Variants in PIK3C2A observed in about 807,000 individuals in gnomAD.
PIK3C2A encodes phosphatidylinositol 4-phosphate 3-kinase C2 domain-containing subunit alpha.
PIK3C2A carries 97 observed loss-of-function variants against 204.5 expected under a neutral mutation model. The ratio of observed to expected loss-of-function variants is 0.47; its 90% CI spans 0.40 to 0.56. The LOEUF (loss-of-function observed/expected upper bound fraction) is 0.56. Ranked by LOEUF, PIK3C2A falls within the 20% of genes least tolerant of loss-of-function variation. PIK3C2A has a pLI of 0.00. For missense variants in PIK3C2A, 1,735 were observed against 1,969.2 expected (o/e 0.88, Z 2.25); for synonymous variants, 653 against 664.4 (o/e 0.98, Z 0.26).
chr11:17,180,518 C>CA (rs200408705), intron 1 of PIK3C2A, among the ~76,000 whole-genome samples: 1,937 of 115,450 alleles, frequency 0.017, 21 homozygotes, highest in Non-Finnish European at 0.025. Flanking sequence ...ACAACAACAA[C>CA]AACAAAAAAC....
At chr11:17,206,166 G>A (rs1023979849) in intron 1 of PIK3C2A, among the ~76,000 whole-genome samples, 1 of 152,074 alleles carries the variant, frequency 6.6e-6, no homozygotes, top group Non-Finnish European at 1.5e-5. Flanking sequence ...CATGTTATTT[G>A]CAAAGAAAAC....
intron 25 of PIK3C2A, among the ~76,000 whole-genome samples, chr11:17,100,251 G>GGGC (rs369349757): frequency 2.3e-5 from 1 of 43,856 alleles, no homozygotes; most frequent in Non-Finnish European, 5.5e-5. Context: ...TTTGGGGGCG[G>GGGC]GGGGGGGGGG....
chr11:17,200,434 T>A (rs1331099126), intron 1 of PIK3C2A, among the ~76,000 whole-genome samples: 2 of 140,502 alleles, frequency 1.4e-5, no homozygotes, highest in Admixed American at 7.2e-5. Context: ...AGTTTATTAA[T>A]AAAAAAGAGA....
intron 14 of PIK3C2A, among the ~76,000 whole-genome samples, 153 bp from the exon 15 acceptor site, chr11:17,122,486 T>C (rs1849397464): frequency 6.6e-6 from 1 of 152,182 alleles, no homozygotes. Context: ...ATTACCATTG[T>C]TGGTAATTCT....
At chr11:17,198,273 C>A (rs560857191) in intron 1 of PIK3C2A, among the ~76,000 whole-genome samples, 1 of 152,122 alleles carries the variant, frequency 6.6e-6, no homozygotes, top group East Asian at 1.9e-4. Flanking sequence ...CCACACCCGG[C>A]TGATTTTTGT....
intron 2 of PIK3C2A, among the ~76,000 whole-genome samples, chr11:17,157,125 G>A (rs1850620523): frequency 6.6e-6 from 1 of 152,040 alleles, no homozygotes; most frequent in South Asian, 2.1e-4. Flanking sequence ...AAACCCTGGG[G>A]CTCTTGTTTC....
chr11:17,138,047 A>AGCTTG, intron 8 of PIK3C2A: 1 of 649,812 alleles, frequency 1.5e-6, no homozygotes, highest in Non-Finnish European at 2.9e-6. Flanking sequence ...TTGATAAGGA[A>AGCTTG]AGCATGCTTG....
intron 22 of PIK3C2A, among the ~76,000 whole-genome samples, chr11:17,110,118 A>G (rs571510456): frequency 5.5e-4 from 83 of 152,012 alleles, no homozygotes; most frequent in African/African-American, 1.9e-3. Flanking sequence ...ACACCTGGCT[A>G]ATTTTTGCAT....
intron 8 of PIK3C2A, chr11:17,138,084 C>G (rs1849933877): frequency 1.4e-6 from 1 of 697,716 alleles, no homozygotes; most frequent in Non-Finnish European, 2.6e-6. Context: ...ATTTAGCACA[C>G]ATGGAATCAC....
intron 1 of PIK3C2A, among the ~76,000 whole-genome samples, chr11:17,192,616 G>A (rs1851980979): frequency 6.6e-6 from 1 of 152,066 alleles, no homozygotes; most frequent in South Asian, 2.1e-4. Flanking sequence ...CCAGCTAAAT[G>A]TTTTATTTTT....
chr11:17,192,973 G>A (rs558077701), intron 1 of PIK3C2A, among the ~76,000 whole-genome samples: 41 of 152,330 alleles, frequency 2.7e-4, no homozygotes, highest in African/African-American at 7.7e-4. Flanking sequence ...TCATGACTAC[G>A]ACTGTGGGAG....
intron 15 of PIK3C2A, among the ~76,000 whole-genome samples, chr11:17,120,576 A>T (rs1348523296): frequency 6.6e-6 from 1 of 151,990 alleles, no homozygotes; most frequent in Non-Finnish European, 1.5e-5. Context: ...CAAACACTGC[A>T]AAAGGTATAC....
intron 30 of PIK3C2A, 62 bp downstream of exon 30, chr11:17,091,934 A>C: frequency 9.9e-7 from 1 of 1,013,236 alleles, no homozygotes; most frequent in Non-Finnish European, 1.6e-6. Context: ...TACCACATTC[A>C]TCGAGAAGTT....
rs533177997 is a variant in PIK3C2A, at chr11:17,122,851, T to G, written c.2400-38A>C. ...AAAAATAATAATGTGATTTTCATTT[T>G]AAAAATCAATTCAAAATTTACAACA... On this transcript the variant is annotated intron_variant, in intron 13 of 32. Coordinates refer to ENST00000691414, the MANE Select transcript of PIK3C2A (RefSeq NM_002645.4). 9 of 870,752 alleles carry G rather than the reference T, an allele frequency of 1.0e-5. No homozygotes were observed. The South Asian group carries it at 1.2e-4, about 12-fold the overall frequency. 53.9% of individuals were successfully genotyped at this position (870,752 alleles called of 1,614,324 possible). A position where few individuals can be genotyped will look rare whatever the true frequency, so the allele number is the denominator to read the frequency against.
Position 17,122,213 on chromosome 11 carries a change from T to G in PIK3C2A, c.2632A>C (p.Ile878Leu). The G allele has an allele frequency of 6.3e-7, 1 of 1,582,220 alleles. No individual in the cohort carries two copies. Among genetic ancestry groups the G allele is most frequent in the Non-Finnish European group, 8.7e-7 (1 of 1,153,550 alleles). Residue 878 changes from isoleucine to leucine, a missense_variant, in exon 15 of 33, where the codon ATT (isoleucine) becomes CTT (leucine). Transcript: ENST00000691414. Reference protein sequence around the residue: ...ENDIKGKLLDILHKDSSLGLS... With the variant: ...ENDIKGKLLDLLHKDSSLGLS... ...CCAAGTGATGAGTCTTTATGAAGAATATCAAGAAGTTTCCCTTTTATATCA... is the reference window on the plus strand; with the variant it reads ...CCAAGTGATGAGTCTTTATGAAGAAGATCAAGAAGTTTCCCTTTTATATCA...
chr11:17,166,748 T>C (rs573786212), intron 2 of PIK3C2A, among the ~76,000 whole-genome samples: 8 of 152,320 alleles, frequency 5.3e-5, no homozygotes, highest in Admixed American at 2.0e-4. Context: ...GCAGTTGCCC[T>C]TCCCAAACAA....
Position 17,169,804 on chromosome 11 carries a change from G to A in PIK3C2A, c.-63C>T, listed in dbSNP as rs532585277. 139 of 1,050,026 alleles carry A rather than the reference G, an allele frequency of 1.3e-4. No individual in the cohort carries two copies. The African/African-American group carries it at 2.1e-3, about 16-fold the overall frequency. 65.0% of individuals were successfully genotyped at this position (1,050,026 alleles called of 1,614,324 possible). On this transcript the variant is annotated splice_region_variant and 5_prime_UTR_variant, in exon 2 of 33. Transcript: ENST00000691414. ...TTTCTTGTAGCTTCCAAAATAGCAA[G>A]GCCTATACATAAAAATAAACATAAC... is the stretch of plus-strand genomic sequence containing the variant.
intron 8 of PIK3C2A, chr11:17,138,218 C>A: frequency 1.0e-6 from 1 of 982,158 alleles, no homozygotes; most frequent in Non-Finnish European, 1.6e-6. Context: ...CTTTCCCAAC[C>A]TTCTTGGTAC....
chr11:17,120,832 TGG>T (rs2137344906), intron 15 of PIK3C2A, among the ~76,000 whole-genome samples: 1 of 152,282 alleles, frequency 6.6e-6, no homozygotes, highest in South Asian at 2.1e-4. Flanking sequence ...TTGTTTGAGA[TGG>T]AGTCTCGCTC....
Sources: gnomAD v4.1 joint callset for allele counts (sites outside exome capture counted in the v4.1 genomes callset) on GRCh38, gnomAD v4.1.1 for gene constraint, MANE v1.5 for transcripts, NCBI Gene and HGNC (gene_info 2026-07-23, HGNC 2026-07-21) for gene names.